Variants in USP34 observed in about 807,000 individuals in gnomAD.
USP34 encodes ubiquitin carboxyl-terminal hydrolase 34.
Under a neutral mutation model 460.3 loss-of-function variants are expected in USP34, and 70 were observed. That is an observed-to-expected ratio of 0.15 (90% CI 0.13 to 0.19). The LOEUF is 0.19. Among genes scored for constraint, USP34 ranks in the 10% least tolerant of loss-of-function variants. The probability of loss-of-function intolerance (pLI) is 1.00; values close to 1 mark genes in which losing one functional copy is unlikely to be tolerated. For synonymous variants in USP34, 1,647 were observed against 1,405.3 expected (o/e 1.17, Z -3.85); for missense variants, 3,985 against 4,236.2 (o/e 0.94, Z 1.65).
intron 64 of USP34, 27 bp downstream of exon 64, chr2:61,223,026 CCAAAAAT>C: frequency 6.4e-7 from 1 of 1,561,422 alleles, no homozygotes; most frequent in South Asian, 1.2e-5. Context: ...TTTAAAATTT[CCAAAAAT>C]CTTTAAGACT....
rs1477564798 is a variant in USP34 at position 61,281,214 on chromosome 2, C to T, written c.5027G>A (p.Gly1676Asp). The change falls in exon 38 of 80, where the codon GGT (glycine) becomes GAT (aspartate). Residue 1676 changes from glycine (G) to aspartate (D), a missense_variant. Transcript: ENST00000398571. ...ETAVRHESCS[G>D]LYKLSLSGLD... The stretch of plus-strand genomic sequence containing the variant: ...CCCTGACAGGGATAACTTATAGAGA[C>T]CACTGCATGATTCATGACGAACTGC... 1.2e-6 allele frequency: 2 copies of T among 1,613,824 alleles called. No individual in the cohort carries two copies. Among genetic ancestry groups the T allele is most frequent in the East Asian group, 2.2e-5 (1 of 44,882 alleles).
rs376812415 is a variant in USP34 at position 61,352,989 on chromosome 2, G to C, written c.1252-2296C>G. ...CAGATGTAAGTATCCTGAAACTCTAGAGTCAATCTGAACTTCTACACTTAA... is the reference window on the plus strand; with the variant it reads ...CAGATGTAAGTATCCTGAAACTCTACAGTCAATCTGAACTTCTACACTTAA... On this transcript the variant is annotated intron_variant, in intron 10 of 79. Coordinates refer to ENST00000398571, the MANE Select transcript of USP34 (RefSeq NM_014709.4). Among the ~76,000 whole-genome samples the C allele has an allele frequency of 2.0e-4, 30 of 152,198 alleles. No individual in the cohort carries two copies. The East Asian group carries it at 2.9e-3, about 15-fold the overall frequency.
rs190691114 is a variant in USP34, at chr2:61,211,869, C to G, written c.8743G>C (p.Glu2915Gln). The G allele has an allele frequency of 2.5e-6, 4 of 1,609,922 alleles. No homozygotes were observed. In the East Asian group the frequency reaches 6.7e-5, roughly 27 times the overall value. The change falls in exon 69 of 80, where the codon GAA (glutamate) becomes CAA (glutamine). Residue 2915 changes from glutamate (E) to glutamine (Q), a missense_variant. Glu to Gln is a conservative substitution (Grantham distance 29). Coordinates refer to ENST00000398571, the MANE Select transcript of USP34 (RefSeq NM_014709.4). ...LFIAQRPDMR[E>Q]EELEDIKQFK... ...TGTTTAATATCTTCTAATTCTTCTT[C>G]TCTCATATCTGGCCTCTGAGCTATA...
In USP34 at chr2:61,188,424, T is replaced by C; in HGVS notation, c.10319A>G (p.Asn3440Ser). The C allele has an allele frequency of 1.2e-6, 2 of 1,614,242 alleles. No individual in the cohort carries two copies. The highest frequency in any genetic ancestry group is 1.7e-6 in the Non-Finnish European group (2 of 1,180,040). The change falls in exon 80 of 80, where the codon AAC (asparagine) becomes AGC (serine). Residue 3440 changes from asparagine (N) to serine (S), a missense_variant. Physicochemically the swap from Asn to Ser is conservative, Grantham distance 46. Around this residue, in one of 14 missense-constraint regions of USP34, gnomAD observed 506 missense variants for 439.0 expected, o/e 1.15. Transcript: ENST00000398571. ...TTTACAATCGTCATATCTACCATTG[T>C]TGGACTGTTCTTCTGCATGCTGTGA... Reference protein sequence around the residue: ...IRSQHAEEQSNNGRYDDCKEF... With the variant: ...IRSQHAEEQSSNGRYDDCKEF...
chr2:61,278,997 T>A (rs548392251), intron 39 of USP34, among the ~76,000 whole-genome samples: 3 of 152,054 alleles, frequency 2.0e-5, no homozygotes, highest in Non-Finnish European at 4.4e-5. Context: ...AAAATCTAAC[T>A]TGAGTCCCCT....
At chr2:61,391,193 C>T (rs1402451996) in intron 5 of USP34, among the ~76,000 whole-genome samples, 1 of 152,122 alleles carries the variant, frequency 6.6e-6, no homozygotes, top group Non-Finnish European at 1.5e-5. Context: ...CACCTGTAAT[C>T]CCAGCACTTT....
At chr2:61,331,161 A>G (rs1691248975) in intron 20 of USP34, 115 bp downstream of exon 20, 1 of 870,626 alleles carries the variant, frequency 1.1e-6, no homozygotes, top group Non-Finnish European at 1.7e-6. Flanking sequence ...TTATACAAAT[A>G]AAGTTTTCTG....
At chr2:61,437,587 T>C (rs1694847237) in intron 1 of USP34, among the ~76,000 whole-genome samples, 2 of 151,432 alleles carry the variant, frequency 1.3e-5, no homozygotes, top group African/African-American at 2.4e-5. Context: ...GCCTGGCCAA[T>C]ATGGTGAAAC....
intron 2 of USP34, among the ~76,000 whole-genome samples, chr2:61,413,088 G>A (rs568260490): frequency 3.2e-4 from 49 of 152,176 alleles, no homozygotes; most frequent in African/African-American, 1.1e-3. Context: ...AAAGCTTTCA[G>A]GGAGAGTAAT....
In USP34 at chr2:61,301,470, A is replaced by C; in HGVS notation, c.3818-16T>G. 6.2e-7 allele frequency: 1 copy of C among 1,601,682 alleles called. No individual in the cohort carries two copies. The highest frequency in any genetic ancestry group is 1.1e-5 in the South Asian group (1 of 88,868). Reference sequence around the variant, plus strand: ...ATGAGGCCTCCTTAAAAACAGCAAAACATGGAAATGAATTTGTTTTTAAGA... The same window carrying C: ...ATGAGGCCTCCTTAAAAACAGCAAACCATGGAAATGAATTTGTTTTTAAGA... On this transcript the variant is annotated splice_polypyrimidine_tract_variant and intron_variant, in intron 27 of 79. Transcript: ENST00000398571.
chr2:61,416,400 C>A (rs1323978495), intron 2 of USP34, among the ~76,000 whole-genome samples: 2 of 152,144 alleles, frequency 1.3e-5, no homozygotes, highest in African/African-American at 2.4e-5. Context: ...GAGAACCTCA[C>A]CCTGGCTGGC....
intron 5 of USP34, among the ~76,000 whole-genome samples, chr2:61,388,757 G>A (rs1224150563): frequency 2.0e-5 from 2 of 99,346 alleles, no homozygotes; most frequent in East Asian, 4.4e-4. Context: ...CTCCATCTCA[G>A]AAAAAGAATA....
intron 65 of USP34, among the ~76,000 whole-genome samples, chr2:61,222,285 A>G (rs1208977434): frequency 2.0e-5 from 3 of 152,180 alleles, no homozygotes; most frequent in Non-Finnish European, 4.4e-5. Context: ...TTTTCTATAT[A>G]CTTTTACACA....
At chr2:61,250,956 G>C (rs1688563333) in intron 48 of USP34, among the ~76,000 whole-genome samples, 2 of 152,132 alleles carry the variant, frequency 1.3e-5, no homozygotes, top group African/African-American at 4.8e-5. Context: ...GGCTAACACA[G>C]TGAAACCCCG....
At chr2:61,279,561 G>A (rs750940048) in intron 39 of USP34, among the ~76,000 whole-genome samples, 4 of 152,060 alleles carry the variant, frequency 2.6e-5, no homozygotes, top group African/African-American at 4.8e-5. Flanking sequence ...TCTGCCTCCC[G>A]GGTTCAAGCG....
rs193025004 is a variant in USP34, at chr2:61,296,382, T to C, written c.4254+418A>G. Among the ~76,000 whole-genome samples the C allele has an allele frequency of 2.0e-5, 3 of 152,312 alleles. No individual in the cohort carries two copies. The East Asian group carries it at 5.8e-4, about 29-fold the overall frequency. ...AAAAAATTATCACACAGATATTAAA[T>C]TTATTTGCCTCATTTTCTCCAATTT... On this transcript the variant is annotated intron_variant, in intron 30 of 79. Transcript: ENST00000398571.
At chr2:61,229,772 G>T in intron 58 of USP34, 139 bp from the exon 59 acceptor site, 3 of 654,694 alleles carry the variant, frequency 4.6e-6, no homozygotes, top group Non-Finnish European at 5.0e-6. Flanking sequence ...CTCTTCTGGA[G>T]TCTCAACAAT....
At chr2:61,441,273 G>C (rs992626104) in intron 1 of USP34, among the ~76,000 whole-genome samples, 3 of 151,792 alleles carry the variant, frequency 2.0e-5, no homozygotes, top group African/African-American at 4.8e-5. Context: ...AAAGCACTGG[G>C]ACCACACATG....
At chr2:61,309,718 T>C (rs558442530) in intron 27 of USP34, among the ~76,000 whole-genome samples, 201 of 152,306 alleles carry the variant, frequency 1.3e-3, no homozygotes, top group African/African-American at 4.6e-3. Context: ...AGAGTTATGG[T>C]AGATCATGAA....
Sources: gnomAD v4.1 joint callset for allele counts (sites outside exome capture counted in the v4.1 genomes callset) on GRCh38, gnomAD v4.1.1 for gene constraint, gnomAD v4.1.1 regional missense constraint, MANE v1.5 for transcripts, NCBI Gene and HGNC (gene_info 2026-07-23, HGNC 2026-07-21) for gene names.